Variants in BAZ1B observed in about 807,000 individuals in gnomAD.
BAZ1B encodes bromodomain adjacent to zinc finger domain 1B.
BAZ1B carries 22 observed loss-of-function variants against 153.8 expected under a neutral mutation model. The observed-to-expected ratio is 0.14, with a 90% CI of 0.10 to 0.20. The LOEUF (loss-of-function observed/expected upper bound fraction) is 0.20, where lower values mean the gene tolerates loss of function less well. Among genes scored for constraint, BAZ1B ranks in the 10% least tolerant of loss-of-function variants. The pLI is 1.00. For synonymous variants in BAZ1B, 676 were observed against 633.4 expected (o/e 1.07, Z -1.01); for missense variants, 1,325 against 1,799.3 (o/e 0.74, Z 4.77).
chr7:73,475,731 C>G (rs1788971669), intron 7 of BAZ1B, among the ~76,000 whole-genome samples: 1 of 151,992 alleles, frequency 6.6e-6, no homozygotes, highest in Non-Finnish European at 1.5e-5. Context: ...TCGAAACCAG[C>G]CTGGCCAACA....
At chr7:73,460,538 G>T (rs1788361473) in intron 12 of BAZ1B, among the ~76,000 whole-genome samples, 2 of 152,132 alleles carry the variant, frequency 1.3e-5, no homozygotes, top group African/African-American at 4.8e-5. Flanking sequence ...CACCCAGGCA[G>T]AAGTGCAGCA....
At chr7:73,458,332 T>C (rs1027018426) in intron 13 of BAZ1B, among the ~76,000 whole-genome samples, 3 of 152,118 alleles carry the variant, frequency 2.0e-5, no homozygotes, top group Non-Finnish European at 4.4e-5. Context: ...GTGGTGATGG[T>C]TGCAAAACAA....
At position 73,450,788 on chromosome 7, in the gene BAZ1B, T is replaced by G. The variant is rs1224620807; in HGVS notation, c.3580+59A>C. The G allele has an allele frequency of 6.3e-7, 1 of 1,575,158 alleles. No homozygotes were observed. The highest frequency in any genetic ancestry group is 8.7e-7 in the Non-Finnish European group (1 of 1,148,454). ...TTCTTTTGGGTAGAAATGAAGATCT[T>G]GGGAATAGAAATCCTACTCCCTAAT... On this transcript the variant is annotated intron_variant, in intron 14 of 19. Coordinates refer to ENST00000339594, the MANE Select transcript of BAZ1B (RefSeq NM_032408.4). This position sits in a 1 kb window ranked among gnomAD's most constrained non-coding sequence, Gnocchi z 4.1.
intron 17 of BAZ1B, among the ~76,000 whole-genome samples, chr7:73,443,604 G>T (rs1419159987): frequency 1.3e-5 from 2 of 152,164 alleles, no homozygotes; most frequent in African/African-American, 2.4e-5. Flanking sequence ...AGAGGGGAGG[G>T]TAATGTCCCT....
intron 12 of BAZ1B, among the ~76,000 whole-genome samples, chr7:73,461,557 T>TA (rs1157657854): frequency 4.6e-5 from 7 of 152,120 alleles, no homozygotes; most frequent in Admixed American, 2.0e-4. Context: ...TAATTCTTTT[T>TA]AAAAAAATCA....
At chr7:73,498,746 A>G in intron 3 of BAZ1B, 48 bp from the exon 4 acceptor site, 2 of 1,534,492 alleles carry the variant, frequency 1.3e-6, no homozygotes, top group Non-Finnish European at 1.8e-6. Flanking sequence ...ACACCCAGAA[A>G]CCTGAAGATG....
intron 12 of BAZ1B, among the ~76,000 whole-genome samples, chr7:73,460,111 C>T (rs1788340782): frequency 6.6e-6 from 1 of 151,188 alleles, no homozygotes; most frequent in Non-Finnish European, 1.5e-5. Context: ...ATCACTTGAA[C>T]CCGGGAGGAG....
Position 73,522,037 on chromosome 7 carries a change from G to A in BAZ1B, c.-104C>T, listed in dbSNP as rs1186896654. 5.3e-6 allele frequency: 4 copies of A among 751,202 alleles called. No homozygotes were observed. Among genetic ancestry groups the A allele is most frequent in the African/African-American group, 3.7e-5 (2 of 54,596 alleles). 46.5% of individuals were successfully genotyped at this position (751,202 alleles called of 1,614,324 possible). A position where few individuals can be genotyped will look rare whatever the true frequency, so the allele number is the denominator to read the frequency against. On this transcript the variant is annotated 5_prime_UTR_variant, in exon 1 of 20. Coordinates refer to ENST00000339594, the MANE Select transcript of BAZ1B (RefSeq NM_032408.4). ...GCGCCAGGCGCCCGGGGGTGGGGTGGGGGAAGGGAGGGGTGAGAGGGCGGC... is the reference window on the plus strand; with the variant it reads ...GCGCCAGGCGCCCGGGGGTGGGGTGAGGGAAGGGAGGGGTGAGAGGGCGGC...
At chr7:73,462,844 A>T in intron 12 of BAZ1B, 78 bp downstream of exon 12, 1 of 1,480,038 alleles carries the variant, frequency 6.8e-7, no homozygotes. Flanking sequence ...CATGTTGGGA[A>T]GTCAAGAACA....
intron 6 of BAZ1B, among the ~76,000 whole-genome samples, chr7:73,488,718 A>C (rs1458879906): frequency 5.3e-5 from 8 of 151,600 alleles, no homozygotes; most frequent in African/African-American, 1.9e-4. Context: ...CCAACTCAAA[A>C]AAAAAAAAAA....
chr7:73,461,199 C>A (rs1461586096), intron 12 of BAZ1B, among the ~76,000 whole-genome samples: 2 of 152,186 alleles, frequency 1.3e-5, no homozygotes, highest in African/African-American at 2.4e-5. Context: ...TGGTCTCGAA[C>A]TCCCAACCTC....
chr7:73,501,271 CAAAACA>C (rs1307192589), intron 3 of BAZ1B, among the ~76,000 whole-genome samples: 2 of 152,108 alleles, frequency 1.3e-5, no homozygotes, highest in African/African-American at 4.8e-5. Context: ...CAAAACAAAA[CAAAACA>C]AAAACAAAAA....
chr7:73,447,972 T>C (rs1465280574), intron 15 of BAZ1B, among the ~76,000 whole-genome samples: 1 of 152,178 alleles, frequency 6.6e-6, no homozygotes, highest in Non-Finnish European at 1.5e-5. Flanking sequence ...CTGCTAATAC[T>C]GTTAAGGTGG....
At chr7:73,489,172 C>T (rs1554574990) in intron 6 of BAZ1B, 22 bp downstream of exon 6, 1 of 1,610,248 alleles carries the variant, frequency 6.2e-7, no homozygotes, top group Admixed American at 1.7e-5. Context: ...TCCTGCTGTC[C>T]AAAAATTAAC....
chr7:73,448,034 G>A (rs1457845029), intron 15 of BAZ1B, among the ~76,000 whole-genome samples: 3 of 152,190 alleles, frequency 2.0e-5, no homozygotes, highest in Admixed American at 6.5e-5. Flanking sequence ...GCCGGGCACC[G>A]TGGCTCACGC....
At chr7:73,461,758 G>A (rs1554570415) in intron 12 of BAZ1B, among the ~76,000 whole-genome samples, 1 of 152,192 alleles carries the variant, frequency 6.6e-6, no homozygotes, top group East Asian at 1.9e-4. Context: ...ATGGGGGAAT[G>A]CAAATGAAAC....
intron 12 of BAZ1B, among the ~76,000 whole-genome samples, chr7:73,462,268 T>C (rs1788422499): frequency 6.6e-6 from 1 of 152,154 alleles, no homozygotes; most frequent in African/African-American, 2.4e-5. Context: ...AACATCATAG[T>C]GCATGAGGAA....
intron 6 of BAZ1B, among the ~76,000 whole-genome samples, chr7:73,481,911 C>T (rs1229887349): frequency 2.0e-5 from 3 of 152,028 alleles, no homozygotes; most frequent in South Asian, 2.1e-4. Flanking sequence ...CGGTGGCGGG[C>T]GCCTGTAGTC....
rs1348643760 is a variant in BAZ1B at position 73,440,689 on chromosome 7, G to A, written c.*1020C>T. On this transcript the variant is annotated 3_prime_UTR_variant, in exon 20 of 20. Transcript: ENST00000339594. ...CGGTAAACTACCCAGCAGCCCTGGA[G>A]CAATCCTCGTCGTCCTTGGGCAGGA... 6.6e-6 allele frequency: 1 copy of A among 152,404 alleles called. No individual in the cohort carries two copies. The highest frequency in any genetic ancestry group is 2.4e-5 in the African/African-American group (1 of 41,418). 9.4% of individuals were successfully genotyped at this position (152,404 alleles called of 1,614,324 possible). A position where few individuals can be genotyped will look rare whatever the true frequency, so the allele number is the denominator to read the frequency against.
Sources: allele counts gnomAD v4.1 joint callset (sites outside exome capture counted in the v4.1 genomes callset), GRCh38; gene constraint gnomAD v4.1.1; non-coding constraint Gnocchi (gnomAD v3.1); transcripts MANE v1.5; gene names NCBI Gene and HGNC (gene_info 2026-07-23, HGNC 2026-07-21).